Variants in EYS observed in about 807,000 individuals in gnomAD.
EYS encodes the protein EGF-like photoreceptor maintenance factor.
In EYS, 250 loss-of-function variants were observed where a neutral mutation model predicts 282.1. The observed-to-expected ratio is 0.89, with a 90% CI of 0.80 to 0.98. The LOEUF is 0.98. Ranked by LOEUF, EYS falls within the 50% of genes least tolerant of loss-of-function variation. The probability of loss-of-function intolerance (pLI) is 0.00; values close to 1 mark genes in which losing one functional copy is unlikely to be tolerated. For missense variants in EYS, 4,016 were observed against 3,709.0 expected (o/e 1.08, Z -2.15); for synonymous variants, 1,355 against 1,282.9 (o/e 1.06, Z -1.20).
rs564468505 is a variant in EYS, at chr6:65,522,434, G to T, written c.-332-26441C>A. Among the ~76,000 whole-genome samples, 4 of 152,250 alleles carry T rather than the reference G, an allele frequency of 2.6e-5. No homozygotes were observed. The South Asian group carries it at 8.3e-4, about 32-fold the overall frequency. ...TGGGTAATGAAGTGAGACACTGCCTGCACATTAAAAATAATAGTGAAAGTA... is the reference window on the plus strand; with the variant it reads ...TGGGTAATGAAGTGAGACACTGCCTTCACATTAAAAATAATAGTGAAAGTA... On this transcript the variant is annotated intron_variant, in intron 2 of 42. Transcript: ENST00000503581.
intron 22 of EYS, among the ~76,000 whole-genome samples, chr6:64,806,999 G>A (rs1033836609): frequency 1.3e-5 from 2 of 152,050 alleles, no homozygotes; most frequent in African/African-American, 4.8e-5. Flanking sequence ...GAATTTTAGT[G>A]TAATTTCAAC....
intron 29 of EYS, among the ~76,000 whole-genome samples, chr6:64,362,739 T>A (rs912945124): frequency 6.6e-6 from 1 of 151,788 alleles, no homozygotes; most frequent in Admixed American, 6.6e-5. Context: ...AACCCTCTAC[T>A]AAAACTATAA....
intron 26 of EYS, among the ~76,000 whole-genome samples, chr6:64,584,742 C>T (rs1766179097): frequency 6.6e-6 from 1 of 152,056 alleles, no homozygotes; most frequent in Non-Finnish European, 1.5e-5. Context: ...TAAAAGAACA[C>T]TTAATAATCA....
At chr6:65,566,566 CTGAACAAGACAAGAAT>C (rs530042833) in intron 2 of EYS, among the ~76,000 whole-genome samples, 4 of 152,048 alleles carry the variant, frequency 2.6e-5, no homozygotes, top group Non-Finnish European at 5.9e-5. Context: ...AATTCTTTCT[CTGAACAAGACAAGAAT>C]TGAGGACTGC....
At chr6:63,940,450 C>T (rs969480233) in intron 35 of EYS, among the ~76,000 whole-genome samples, 1 of 152,050 alleles carries the variant, frequency 6.6e-6, no homozygotes, top group African/African-American at 2.4e-5. Flanking sequence ...TATAGGATTG[C>T]TATGATTTGA....
At chr6:65,652,812 G>A (rs1185013519) in intron 1 of EYS, among the ~76,000 whole-genome samples, 1 of 151,910 alleles carries the variant, frequency 6.6e-6, no homozygotes, top group Non-Finnish European at 1.5e-5. Flanking sequence ...TTAGTTTAAT[G>A]AATCATGAGA....
intron 31 of EYS, among the ~76,000 whole-genome samples, chr6:64,207,073 T>C (rs1765630294): frequency 6.6e-6 from 1 of 152,124 alleles, no homozygotes; most frequent in African/African-American, 2.4e-5. Flanking sequence ...TGACATGCAG[T>C]ATTTGATTTT....
intron 22 of EYS, among the ~76,000 whole-genome samples, chr6:64,658,802 C>G (rs933546630): frequency 5.9e-5 from 9 of 152,140 alleles, no homozygotes; most frequent in African/African-American, 2.2e-4. Context: ...TTGGGGGTCA[C>G]CCCACTGTCA....
chr6:65,413,117 T>C (rs1767088530), intron 5 of EYS, among the ~76,000 whole-genome samples: 1 of 152,186 alleles, frequency 6.6e-6, no homozygotes, highest in Admixed American at 6.6e-5. Flanking sequence ...TATTTGTTTA[T>C]TTTAATGGAA....
chr6:64,646,386 CAT>C (rs1285129424), intron 22 of EYS, among the ~76,000 whole-genome samples: 1 of 152,180 alleles, frequency 6.6e-6, no homozygotes, highest in Admixed American at 6.5e-5. Context: ...TTGCTCTAGA[CAT>C]ATGATTCTGA....
At chr6:65,366,022 T>C (rs921346692) in intron 8 of EYS, among the ~76,000 whole-genome samples, 1 of 151,762 alleles carries the variant, frequency 6.6e-6, no homozygotes, top group African/African-American at 2.4e-5. Flanking sequence ...TTGGGAAGAA[T>C]ACCAGTTAGT....
chr6:65,627,406 G>C (rs1416686805), intron 2 of EYS, among the ~76,000 whole-genome samples: 2 of 152,160 alleles, frequency 1.3e-5, no homozygotes, highest in African/African-American at 4.8e-5. Context: ...TGCCTCCTCT[G>C]CCTGGGCTCC....
At chr6:64,830,006 T>C (rs984696105) in intron 19 of EYS, among the ~76,000 whole-genome samples, 1 of 151,974 alleles carries the variant, frequency 6.6e-6, no homozygotes, top group Non-Finnish European at 1.5e-5. Context: ...AAGTTCCTTA[T>C]TGTGATATGG....
At chr6:65,706,246 C>A (rs1769874038) in intron 1 of EYS, among the ~76,000 whole-genome samples, 1 of 151,672 alleles carries the variant, frequency 6.6e-6, no homozygotes, top group African/African-American at 2.4e-5. Context: ...TAATATTATG[C>A]AATTAACTTT....
At chr6:64,543,137 A>G (rs1274496616) in intron 26 of EYS, among the ~76,000 whole-genome samples, 1 of 152,198 alleles carries the variant, frequency 6.6e-6, no homozygotes, top group South Asian at 2.1e-4. Context: ...GTAATTTATT[A>G]TTTTTTATTG....
At chr6:64,728,459 T>C (rs1771837325) in intron 22 of EYS, among the ~76,000 whole-genome samples, 1 of 152,084 alleles carries the variant, frequency 6.6e-6, no homozygotes, top group Admixed American at 6.6e-5. Flanking sequence ...CTTAGCCTCC[T>C]GAGTAGCTGG....
At chr6:64,676,377 G>A (rs1441122058) in intron 22 of EYS, among the ~76,000 whole-genome samples, 2 of 149,158 alleles carry the variant, frequency 1.3e-5, no homozygotes, top group African/African-American at 4.9e-5. Context: ...GAGAAAGAGG[G>A]AGAGAGAGCA....
chr6:65,620,081 A>G (rs1438473911), intron 2 of EYS, among the ~76,000 whole-genome samples: 4 of 152,082 alleles, frequency 2.6e-5, no homozygotes, highest in Non-Finnish European at 4.4e-5. Context: ...AATGAGTTAG[A>G]GAGGATTCCC....
chr6:65,117,917 T>G (rs1262034591), intron 12 of EYS, among the ~76,000 whole-genome samples: 1 of 152,136 alleles, frequency 6.6e-6, no homozygotes, highest in Non-Finnish European at 1.5e-5. Flanking sequence ...TGGTGAATTA[T>G]TACATCTAGA....
Sources: gnomAD v4.1 joint callset for allele counts (sites outside exome capture counted in the v4.1 genomes callset) on GRCh38, gnomAD v4.1.1 for gene constraint, MANE v1.5 for transcripts, NCBI Gene and HGNC (gene_info 2026-07-23, HGNC 2026-07-21) for gene names.